Variants in ASIC2 observed in about 807,000 individuals in gnomAD.
ASIC2 encodes the protein acid sensing ion channel subunit 2.
Under a neutral mutation model 57.3 loss-of-function variants are expected in ASIC2, and 25 were observed. That is an observed-to-expected ratio of 0.44 (90% CI 0.32 to 0.61). The LOEUF (loss-of-function observed/expected upper bound fraction) is 0.61, where lower values mean the gene tolerates loss of function less well. Ranked by LOEUF, ASIC2 falls within the 20% of genes least tolerant of loss-of-function variation. The pLI, the probability that ASIC2 is intolerant of heterozygous loss-of-function variation, is 0.06. For synonymous variants in ASIC2, 319 were observed against 307.5 expected (o/e 1.04, Z -0.39); for missense variants, 641 against 738.1 (o/e 0.87, Z 1.52).
intron 1 of ASIC2, among the ~76,000 whole-genome samples, chr17:33,641,932 A>T (rs1248137717): frequency 3.3e-5 from 5 of 152,210 alleles, no homozygotes; most frequent in Non-Finnish European, 7.3e-5. Context: ...AGATATAAAA[A>T]GATCATACAT....
chr17:33,873,159 T>C (rs1460896025), intron 1 of ASIC2, among the ~76,000 whole-genome samples: 1 of 152,222 alleles, frequency 6.6e-6, no homozygotes, highest in Non-Finnish European at 1.5e-5. Context: ...TGCTCTCCAT[T>C]TTCCTTCAAT....
At chr17:33,324,583 C>T (rs1906994221) in intron 1 of ASIC2, among the ~76,000 whole-genome samples, 1 of 152,182 alleles carries the variant, frequency 6.6e-6, no homozygotes, top group African/African-American at 2.4e-5. Flanking sequence ...AGAATCAAGA[C>T]ACCAAGACTG....
intron 1 of ASIC2, among the ~76,000 whole-genome samples, chr17:33,189,353 G>A (rs1381606434): frequency 3.3e-5 from 5 of 152,022 alleles, no homozygotes; most frequent in African/African-American, 9.7e-5. Context: ...GAGATACAAC[G>A]GAATCATAAA....
chr17:33,290,897 C>A (rs947890251), intron 1 of ASIC2: 1 of 152,432 alleles, frequency 6.6e-6, no homozygotes, highest in African/African-American at 2.4e-5. Flanking sequence ...TAAGCTGCTT[C>A]GGATCGTAGG....
At chr17:33,799,208 G>GTTCC (rs56968316) in intron 1 of ASIC2, among the ~76,000 whole-genome samples, 33 of 151,574 alleles carry the variant, frequency 2.2e-4, no homozygotes, top group Non-Finnish European at 3.1e-4. Flanking sequence ...TGTGTAATCA[G>GTTCC]TTCCTTCCTT....
chr17:34,108,347 G>T (rs141058813), intron 1 of ASIC2, among the ~76,000 whole-genome samples: 3 of 151,980 alleles, frequency 2.0e-5, no homozygotes, highest in Non-Finnish European at 2.9e-5. Flanking sequence ...ATGATAAATT[G>T]TCTTTATCAT....
intron 1 of ASIC2, among the ~76,000 whole-genome samples, chr17:33,834,926 CA>C (rs532085855): frequency 1.3e-5 from 2 of 151,852 alleles, no homozygotes; most frequent in African/African-American, 2.4e-5. Context: ...CCAAAAAAGA[CA>C]AAAAAATAGT....
intron 1 of ASIC2, among the ~76,000 whole-genome samples, chr17:33,421,070 C>T (rs1329103706): frequency 1.3e-5 from 2 of 151,984 alleles, no homozygotes; most frequent in Non-Finnish European, 1.5e-5. Context: ...TTTGGTAGAA[C>T]AAAAAAGGTC....
chr17:34,059,338 G>C (rs1281756296), intron 1 of ASIC2, among the ~76,000 whole-genome samples: 6 of 152,168 alleles, frequency 3.9e-5, no homozygotes, highest in African/African-American at 1.4e-4. Context: ...GGAAGCAACA[G>C]AAAGACCCTG....
intron 1 of ASIC2, among the ~76,000 whole-genome samples, chr17:33,356,997 G>A (rs1007938958): frequency 0.035 from 4 of 114 alleles, no homozygotes; most frequent in Non-Finnish European, 0.06. Context: ...GTCTAGATCG[G>A]TGGTTCTCAA....
At chr17:33,520,675 G>C (rs988024004) in intron 1 of ASIC2, among the ~76,000 whole-genome samples, 6 of 152,220 alleles carry the variant, frequency 3.9e-5, no homozygotes, top group Non-Finnish European at 8.8e-5. Context: ...GGCCCCTCTT[G>C]GGGCTATGAA....
rs541039274 is a variant in ASIC2 at position 33,666,425 on chromosome 17, C to T, written c.555+489553G>A. Among the ~76,000 whole-genome samples the T allele has an allele frequency of 1.4e-4, 21 of 152,298 alleles. No homozygotes were observed. In the South Asian group the frequency reaches 4.1e-3, roughly 30 times the overall value. On this transcript the variant is annotated intron_variant, in intron 1 of 9. Transcript: ENST00000359872. ...GGCCGAGCACCAAAGCACAGATATTCTAGAACTGGGGTTCTACATCAGACT... is the reference window on the plus strand; with the variant it reads ...GGCCGAGCACCAAAGCACAGATATTTTAGAACTGGGGTTCTACATCAGACT...
intron 1 of ASIC2, among the ~76,000 whole-genome samples, chr17:33,400,549 G>A (rs532608451): frequency 1.8e-4 from 28 of 152,274 alleles, no homozygotes; most frequent in African/African-American, 6.7e-4. Flanking sequence ...ATAATAGGGA[G>A]ATTTATGAGC....
intron 1 of ASIC2, among the ~76,000 whole-genome samples, chr17:33,322,367 C>A (rs1174050823): frequency 6.6e-6 from 1 of 152,152 alleles, no homozygotes; most frequent in African/African-American, 2.4e-5. Context: ...GTTTTCATGG[C>A]CCTGCTCTGG....
chr17:33,982,632 T>G (rs1425373458), intron 1 of ASIC2, among the ~76,000 whole-genome samples: 1 of 152,224 alleles, frequency 6.6e-6, no homozygotes, highest in Non-Finnish European at 1.5e-5. Context: ...TACCAGCCTT[T>G]GCATAGGTCG....
At chr17:33,082,914 T>C (rs2092119041) in intron 3 of ASIC2, among the ~76,000 whole-genome samples, 1 of 151,440 alleles carries the variant, frequency 6.6e-6, no homozygotes, top group Non-Finnish European at 1.5e-5. Flanking sequence ...TATCTGTTCA[T>C]CCACTCTTAT....
At chr17:33,247,684 A>T (rs1487976573) in intron 1 of ASIC2, among the ~76,000 whole-genome samples, 1 of 152,246 alleles carries the variant, frequency 6.6e-6, no homozygotes, top group Admixed American at 6.5e-5. Context: ...TTCCTGGAGC[A>T]GGAGTCAGTT....
intron 1 of ASIC2, among the ~76,000 whole-genome samples, chr17:33,560,534 ATT>A (rs1306255325): frequency 3.3e-5 from 5 of 152,214 alleles, no homozygotes; most frequent in African/African-American, 4.8e-5. Flanking sequence ...TCGAAGGAAG[ATT>A]TTTTTAAATG....
At chr17:33,579,264 T>G (rs1471455977) in intron 1 of ASIC2, among the ~76,000 whole-genome samples, 9 of 133,382 alleles carry the variant, frequency 6.7e-5, no homozygotes, top group Non-Finnish European at 1.2e-4. Flanking sequence ...CCAGCCTGGG[T>G]AGCACGAATG....
Sources: gnomAD v4.1 joint callset for allele counts (sites outside exome capture counted in the v4.1 genomes callset) on GRCh38, gnomAD v4.1.1 for gene constraint, MANE v1.5 for transcripts, NCBI Gene and HGNC (gene_info 2026-07-23, HGNC 2026-07-21) for gene names.